JAKMIP3: variants seen among roughly 807,000 people sequenced by gnomAD.
JAKMIP3 encodes Janus kinase and microtubule interacting protein 3.
Under a neutral mutation model 118.5 loss-of-function variants are expected in JAKMIP3, and 58 were observed. The ratio of observed to expected loss-of-function variants is 0.49; its 90% CI spans 0.40 to 0.61. The LOEUF is 0.61. JAKMIP3 is among the 20% of genes least tolerant of loss of function. The pLI is 0.00. For synonymous variants in JAKMIP3, 486 were observed against 451.2 expected, an observed-to-expected ratio of 1.08 and a Z score of -0.98; for missense variants, 950 against 1,109.0, an observed-to-expected ratio of 0.86 and a Z score of 2.04.
Position 132,118,406 on chromosome 10 carries a change from C to T in JAKMIP3, c.633+832C>T, listed in dbSNP as rs575229374. Among the ~76,000 whole-genome samples the T allele has an allele frequency of 6.6e-6, 1 of 152,314 alleles. No homozygotes were observed. The highest frequency in any genetic ancestry group is 2.4e-5 in the African/African-American group (1 of 41,574). On this transcript the variant is annotated intron_variant, in intron 3 of 23. Coordinates refer to ENST00000684848, the MANE Select transcript of JAKMIP3 (RefSeq NM_001323087.2). The surrounding 1 kb of genome is among the most constrained non-coding windows in gnomAD (Gnocchi z 4.8). ...GAAATGGAGCTCTGTCTTAGAGGTGCGTGCCCCAGCCCTGTGCCTCTTCAG... is the reference window on the plus strand; with the variant it reads ...GAAATGGAGCTCTGTCTTAGAGGTGTGTGCCCCAGCCCTGTGCCTCTTCAG...
chr10:132,171,250 T>C (rs1293422219), intron 23 of JAKMIP3, among the ~76,000 whole-genome samples: 2 of 152,166 alleles, frequency 1.3e-5, no homozygotes, highest in Non-Finnish European at 2.9e-5. Flanking sequence ...GTGTGCAGTC[T>C]CCAGCGTGAG....
chr10:132,048,667 C>CTTTTTTT (rs35729418), intron 1 of JAKMIP3, among the ~76,000 whole-genome samples: 10 of 129,804 alleles, frequency 7.7e-5, no homozygotes, highest in Non-Finnish European at 1.1e-4. Flanking sequence ...TGTTTCTTTT[C>CTTTTTTT]TTTTTTTTTT....
At position 132,145,205 on chromosome 10, in the gene JAKMIP3, A is replaced by G; in HGVS notation, c.1686+15A>G. ...AGCAGGGGCAGGTGAGCCTGCAGCC[A>G]TCTGCACGGGCGTGGGGGCACACGT... On this transcript the variant is annotated intron_variant, in intron 12 of 23. Transcript: ENST00000684848. The G allele has an allele frequency of 5.0e-6, 8 of 1,597,720 alleles. No homozygotes were observed. Among genetic ancestry groups the G allele is most frequent in the Non-Finnish European group, 6.8e-6 (8 of 1,171,452 alleles).
At chr10:132,135,706 GGGTTCACCTGGGCACTGGACGAGCA>G (rs1355933102) in intron 5 of JAKMIP3, among the ~76,000 whole-genome samples, 199 bp from the exon 6 acceptor site, 12 of 152,164 alleles carry the variant, frequency 7.9e-5, no homozygotes, top group African/African-American at 1.9e-4. Context: ...CCGGGCGAGC[GGGTTCACCTGGGCACTGGACGAGCA>G]GGTTCACCAG....
rs376881708 is a variant in JAKMIP3, at chr10:132,101,624, G to C, written c.-137-3048G>C. Among the ~76,000 whole-genome samples the C allele has an allele frequency of 3.3e-5, 5 of 152,258 alleles. No homozygotes were observed. In the East Asian group the frequency reaches 5.8e-4, roughly 18 times the overall value. Reference sequence around the variant, plus strand: ...GACAGCCAGATGGGAATGAGTTTCTGCCGCCATCAGTGAGCACTGCACAGA... The same window carrying C: ...GACAGCCAGATGGGAATGAGTTTCTCCCGCCATCAGTGAGCACTGCACAGA... On this transcript the variant is annotated intron_variant, in intron 1 of 23. Transcript: ENST00000684848.
rs56096226 is a variant in JAKMIP3 at position 132,173,006 on chromosome 10, T to C, written c.*1103+3973T>C. Among the ~76,000 whole-genome samples the C allele has an allele frequency of 0.057, 960 of 16,862 alleles. 241 individuals are homozygous for C. The East Asian group carries it at 0.63, about 11-fold the overall frequency. 11.1% of individuals were successfully genotyped at this position (16,862 alleles called of 152,430 possible). A position where few individuals can be genotyped will look rare whatever the true frequency, so the allele number is the denominator to read the frequency against. ...CTCTCTCTCTCTCTCCTTCCCTCTC[T>C]CTCTCTCTCCCTCTCTCTCTCCTTC... On this transcript the variant is annotated intron_variant, in intron 23 of 23. Coordinates refer to ENST00000684848, the MANE Select transcript of JAKMIP3 (RefSeq NM_001323087.2).
intron 11 of JAKMIP3, among the ~76,000 whole-genome samples, chr10:132,142,840 C>CTCTTTCACTTTGACT (rs2053818125): frequency 6.6e-6 from 1 of 152,038 alleles, no homozygotes; most frequent in Non-Finnish European, 1.5e-5. Flanking sequence ...TCCCGTTGGC[C>CTCTTTCACTTTGACT]TCCCCACCCC....
At position 132,071,844 on chromosome 10, in the gene JAKMIP3, T is replaced by TC. The variant is rs1214262351; in HGVS notation, c.-138+5784dup. Among the ~76,000 whole-genome samples, 381 of 143,242 alleles carry TC rather than the reference T, an allele frequency of 2.7e-3. 2 individuals carry two copies. The highest frequency in any genetic ancestry group is 9.1e-3 in the African/African-American group (343 of 37,764). 94.0% of individuals were successfully genotyped at this position (143,242 alleles called of 152,430 possible). A position where few individuals can be genotyped will look rare whatever the true frequency, so the allele number is the denominator to read the frequency against. On this transcript the variant is annotated intron_variant, in intron 1 of 23. Transcript: ENST00000684848. Reference sequence around the variant, plus strand: ...TTTCTTTCCTTTCTTCCCTTTCCTTTCTTTCTTTCCTTTCTTTCCTTTCTT... The same window carrying TC: ...TTTCTTTCCTTTCTTCCCTTTCCTTTCCTTTCTTTCCTTTCTTTCCTTTCTT...
At position 132,127,417 on chromosome 10, in the gene JAKMIP3, T is replaced by C. The variant is rs74762539; in HGVS notation, c.634-5895T>C. Among the ~76,000 whole-genome samples the C allele has an allele frequency of 1.5e-3, 220 of 150,086 alleles. 2 individuals carry two copies. The highest frequency in any genetic ancestry group is 4.6e-3 in the African/African-American group (184 of 40,426). ...TTGTGTGTGTGTGTGTGTGTGTGTG[T>C]GCGTGTGTGTGTGTTTTAGTAGAGA... On this transcript the variant is annotated intron_variant, in intron 3 of 23. Coordinates refer to ENST00000684848, the MANE Select transcript of JAKMIP3 (RefSeq NM_001323087.2).
At chr10:132,082,905 G>A (rs2041966181) in intron 1 of JAKMIP3, among the ~76,000 whole-genome samples, 1 of 152,254 alleles carries the variant, frequency 6.6e-6, no homozygotes, top group African/African-American at 2.4e-5. Flanking sequence ...ACCGCGCCCG[G>A]CCTATACCAC....
intron 1 of JAKMIP3, among the ~76,000 whole-genome samples, 45 bp downstream of exon 1, chr10:132,066,106 G>A (rs144182028): frequency 1.3e-5 from 2 of 152,254 alleles, no homozygotes; most frequent in Admixed American, 6.5e-5. Flanking sequence ...TGTTGGTTTC[G>A]GTTTGGCTGT....
At position 132,117,018 on chromosome 10, in the gene JAKMIP3, G is replaced by A. The variant is rs957580957; in HGVS notation, c.136-59G>A. 17 of 1,543,052 alleles carry A rather than the reference G, an allele frequency of 1.1e-5. No homozygotes were observed. In the African/African-American group the frequency reaches 2.0e-4, roughly 19 times the overall value. Reference sequence around the variant, plus strand: ...GAAGCTCCCCCAAATGCACATTCAGGTGTGAGTGTGTGCATGGCTGGAGCT... The same window carrying A: ...GAAGCTCCCCCAAATGCACATTCAGATGTGAGTGTGTGCATGGCTGGAGCT... On this transcript the variant is annotated intron_variant, in intron 2 of 23. Transcript: ENST00000684848. This position sits in a 1 kb window ranked among gnomAD's most constrained non-coding sequence, Gnocchi z 8.6.
intron 1 of JAKMIP3, among the ~76,000 whole-genome samples, chr10:132,059,343 T>G (rs2038330576): frequency 6.6e-6 from 1 of 152,236 alleles, no homozygotes. Context: ...GATTGTGCAT[T>G]TGAAGCCTTT....
intron 1 of JAKMIP3, among the ~76,000 whole-genome samples, chr10:132,103,568 G>A (rs1349112979): frequency 6.6e-6 from 1 of 151,990 alleles, no homozygotes; most frequent in Non-Finnish European, 1.5e-5. Flanking sequence ...AGCACAGAAG[G>A]AAAGTGTGAG....
intron 3 of JAKMIP3, among the ~76,000 whole-genome samples, chr10:132,124,837 C>T (rs1343949664): frequency 6.6e-6 from 1 of 152,242 alleles, no homozygotes; most frequent in East Asian, 1.9e-4. Flanking sequence ...GGCTGGTGGG[C>T]AGAGCCCCCT....
chr10:132,142,121 A>G, intron 11 of JAKMIP3, 73 bp downstream of exon 11: 1 of 1,483,054 alleles, frequency 6.7e-7, no homozygotes, highest in Admixed American at 2.0e-5. Context: ...CTGGGCTGGG[A>G]CACCCCCCTC....
At chr10:132,180,911 G>A (rs899329071) in intron 23 of JAKMIP3, among the ~76,000 whole-genome samples, 1 of 152,140 alleles carries the variant, frequency 6.6e-6, no homozygotes, top group Non-Finnish European at 1.5e-5. Context: ...TGCATTGCAT[G>A]TGCCTGTATG....
intron 19 of JAKMIP3, among the ~76,000 whole-genome samples, chr10:132,161,080 G>GT (rs2058182495): frequency 2.0e-5 from 2 of 102,494 alleles, no homozygotes; most frequent in South Asian, 4.4e-4. Flanking sequence ...ATGCTGGGGG[G>GT]GCCTCTTCCT....
rs1192010278 is a variant in JAKMIP3 at position 132,168,169 on chromosome 10, C to A, written c.*239C>A. The stretch of plus-strand genomic sequence containing the variant: ...GGCTCTGCCGACTTCTCGGGGGCTT[C>A]TCCGGGACGGGCCTGGCCTTGGCTG... On this transcript the variant is annotated 3_prime_UTR_variant, in exon 23 of 24. Coordinates refer to ENST00000684848, the MANE Select transcript of JAKMIP3 (RefSeq NM_001323087.2). 1 of 1,286,786 alleles carries A rather than the reference C, an allele frequency of 7.8e-7. No homozygotes were observed. The highest frequency in any genetic ancestry group is 1.2e-5 in the South Asian group (1 of 80,782). The allele number at this position is 1,286,786 out of a possible 1,614,324, so 79.7% of individuals were successfully genotyped here. A position where few individuals can be genotyped will look rare whatever the true frequency, so the allele number is the denominator to read the frequency against.
Sources: gnomAD v4.1 joint callset for allele counts (sites outside exome capture counted in the v4.1 genomes callset) on GRCh38, gnomAD v4.1.1 for gene constraint, Gnocchi (gnomAD v3.1) non-coding constraint, MANE v1.5 for transcripts, NCBI Gene and HGNC (gene_info 2026-07-23, HGNC 2026-07-21) for gene names.